Variants in CYP39A1 observed in about 807,000 individuals in gnomAD.
The protein encoded by CYP39A1 is 24-hydroxycholesterol 7-alpha-hydroxylase.
CYP39A1 carries 49 observed loss-of-function variants against 58.1 expected under a neutral mutation model. The ratio of observed to expected loss-of-function variants is 0.84; its 90% confidence interval spans 0.67 to 1.07. CYP39A1 has a LOEUF of 1.07. Ranked by LOEUF, CYP39A1 falls within the 50% of genes least tolerant of loss-of-function variation. CYP39A1 has a pLI of 0.00. For missense variants in CYP39A1, 531 were observed against 539.4 expected, an observed-to-expected ratio of 0.98 and a Z score of 0.16; for synonymous variants, 209 against 187.6, an observed-to-expected ratio of 1.11 and a Z score of -0.93.
chr6:46,631,654 T>A (rs1401525560), intron 5 of CYP39A1, among the ~76,000 whole-genome samples: 2 of 152,126 alleles, frequency 1.3e-5, no homozygotes, highest in Non-Finnish European at 2.9e-5. Flanking sequence ...CCATACAGAT[T>A]CTCAGCCCAT....
At chr6:46,635,797 A>G (rs561083260) in intron 5 of CYP39A1, among the ~76,000 whole-genome samples, 3 of 152,104 alleles carry the variant, frequency 2.0e-5, no homozygotes, top group Non-Finnish European at 4.4e-5. Flanking sequence ...TCCTGGGCTT[A>G]AGCAATTCTC....
chr6:46,550,538 A>G, intron 11 of CYP39A1, 101 bp from the exon 12 acceptor site: 2 of 1,090,604 alleles, frequency 1.8e-6, no homozygotes, highest in Non-Finnish European at 2.6e-6. Context: ...AAAGTACAAA[A>G]TTTAGGTTTT....
intron 10 of CYP39A1, among the ~76,000 whole-genome samples, chr6:46,579,804 A>G (rs780029599): frequency 2.8e-4 from 42 of 152,048 alleles, no homozygotes; most frequent in Non-Finnish European, 5.3e-4. Flanking sequence ...CCAGGGAGGT[A>G]AAATATATTT....
Position 46,588,045 on chromosome 6 carries a change from A to G in CYP39A1, c.1150T>C (p.Leu384=), listed in dbSNP as rs778777501. 8 of 1,575,974 alleles carry G rather than the reference A, an allele frequency of 5.1e-6. No individual in the cohort carries two copies. Among genetic ancestry groups the G allele is most frequent in the South Asian group, 1.2e-5 (1 of 86,126 alleles). Reference sequence around the variant, plus strand: ...AAGAGATAACTTACAGGTTTGAACAATTCAGGCTCAGGAAAATACTTTGGA... The same window carrying G: ...AAGAGATAACTTACAGGTTTGAACAGTTCAGGCTCAGGAAAATACTTTGGA... ...RNPKYFPEPE[L]FKPERWKKAN... Residue 384 remains leucine, a synonymous_variant, in exon 9 of 12, where the codon TTG becomes CTG. Coordinates refer to ENST00000275016, the MANE Select transcript of CYP39A1 (RefSeq NM_016593.5).
chr6:46,554,924 T>C (rs200474168), intron 10 of CYP39A1, among the ~76,000 whole-genome samples: 2 of 152,104 alleles, frequency 1.3e-5, no homozygotes, highest in East Asian at 1.9e-4. Flanking sequence ...GATTACTGAA[T>C]CAATTTACCT....
chr6:46,631,565 C>T (rs184873338), intron 5 of CYP39A1, among the ~76,000 whole-genome samples: 3 of 152,336 alleles, frequency 2.0e-5, no homozygotes, highest in East Asian at 1.9e-4. Flanking sequence ...GTCTTATAAA[C>T]CTCTGCTCTT....
intron 8 of CYP39A1, among the ~76,000 whole-genome samples, chr6:46,590,044 T>C (rs1772736768): frequency 6.6e-6 from 1 of 152,014 alleles, no homozygotes; most frequent in Non-Finnish European, 1.5e-5. Context: ...GACTGATAAA[T>C]AGCATGAAGG....
intron 10 of CYP39A1, among the ~76,000 whole-genome samples, chr6:46,573,480 T>C (rs961576650): frequency 6.6e-6 from 1 of 152,162 alleles, no homozygotes; most frequent in African/African-American, 2.4e-5. Context: ...GGCCTTAGTG[T>C]CAAAGATTGC....
chr6:46,565,222 A>G (rs1771212256), intron 10 of CYP39A1, among the ~76,000 whole-genome samples: 2 of 152,128 alleles, frequency 1.3e-5, no homozygotes, highest in Admixed American at 6.6e-5. Flanking sequence ...GTCAAGGAAA[A>G]TGATGAAAAA....
intron 2 of CYP39A1, among the ~76,000 whole-genome samples, chr6:46,640,754 A>G (rs1180613589): frequency 1.3e-5 from 2 of 151,410 alleles, no homozygotes; most frequent in Admixed American, 1.3e-4. Context: ...TAGTTTTTCA[A>G]CCTTTGCCCC....
chr6:46,627,297 G>C (rs1368812642), intron 6 of CYP39A1, among the ~76,000 whole-genome samples: 1 of 152,160 alleles, frequency 6.6e-6, no homozygotes, highest in Non-Finnish European at 1.5e-5. Flanking sequence ...TACGCAAAAC[G>C]GATGTTCATA....
intron 10 of CYP39A1, chr6:46,583,283 C>G (rs886450474): frequency 1.0e-6 from 1 of 985,184 alleles, no homozygotes; most frequent in African/African-American, 1.7e-5. Flanking sequence ...TCAATTTGCA[C>G]AATGACACAG....
chr6:46,636,505 A>G lies in CYP39A1; in HGVS notation c.639-23T>C, dbSNP rs1253962792. ...TTTCTACATGAGAAAAAATATATAT[A>G]GAAATTAATTGGAAAGCACTTTAGG... is the stretch of plus-strand genomic sequence containing the variant. On this transcript the variant is annotated intron_variant, in intron 4 of 11. Transcript: ENST00000275016. 3 of 1,494,868 alleles carry G rather than the reference A, an allele frequency of 2.0e-6. No individual in the cohort carries two copies. The African/African-American group carries it at 4.2e-5, about 21-fold the overall frequency. 92.6% of individuals were successfully genotyped at this position (1,494,868 alleles called of 1,614,324 possible).
At chr6:46,559,294 A>G (rs1404641608) in intron 10 of CYP39A1, among the ~76,000 whole-genome samples, 1 of 152,138 alleles carries the variant, frequency 6.6e-6, no homozygotes, top group Non-Finnish European at 1.5e-5. Context: ...TCAGCTTCTC[A>G]GAGGAGGGAT....
At chr6:46,603,496 C>T (rs1024134809) in intron 7 of CYP39A1, among the ~76,000 whole-genome samples, 6 of 152,182 alleles carry the variant, frequency 3.9e-5, no homozygotes, top group African/African-American at 1.4e-4. Flanking sequence ...TATCTACCCT[C>T]CTTCCTTTTT....
intron 10 of CYP39A1, among the ~76,000 whole-genome samples, chr6:46,573,331 T>C (rs942875808): frequency 6.6e-6 from 1 of 152,122 alleles, no homozygotes; most frequent in Non-Finnish European, 1.5e-5. Flanking sequence ...GTGAGTGCTA[T>C]GCTAAGTGAA....
intron 7 of CYP39A1, among the ~76,000 whole-genome samples, chr6:46,617,286 C>A (rs7356862): frequency 0.19 from 29,058 of 151,980 alleles, 2,983 homozygotes; most frequent in African/African-American, 0.27. Context: ...AGTTTTATAA[C>A]TATATTAGAA....
At chr6:46,558,343 C>A (rs1770767553) in intron 10 of CYP39A1, among the ~76,000 whole-genome samples, 1 of 152,032 alleles carries the variant, frequency 6.6e-6, no homozygotes, top group African/African-American at 2.4e-5. Flanking sequence ...GCAATCATGG[C>A]AGAAGGTGAA....
chr6:46,570,391 T>G (rs1561956427), intron 10 of CYP39A1, among the ~76,000 whole-genome samples: 1 of 152,186 alleles, frequency 6.6e-6, no homozygotes, highest in African/African-American at 2.4e-5. Flanking sequence ...TTGTTCTTCT[T>G]TATCTAGTTC....
Sources: allele counts gnomAD v4.1 joint callset (sites outside exome capture counted in the v4.1 genomes callset), GRCh38; gene constraint gnomAD v4.1.1; transcripts MANE v1.5; gene names NCBI Gene and HGNC (gene_info 2026-07-23, HGNC 2026-07-21).